The following SMYD3 variants were observed in gnomAD, a reference collection of about 807,000 sequenced individuals.
SMYD3 encodes the protein SET and MYND domain containing 3.
Under a neutral mutation model 57.7 loss-of-function variants are expected in SMYD3, and 36 were observed. The observed-to-expected ratio is 0.62, with a 90% CI of 0.48 to 0.82. The LOEUF is 0.82. Among genes scored for constraint, SMYD3 ranks in the 40% least tolerant of loss-of-function variants. SMYD3 has a pLI of 0.00. For synonymous variants in SMYD3, 211 were observed against 195.0 expected (o/e 1.08, Z -0.68); for missense variants, 515 against 538.8 (o/e 0.96, Z 0.44).
chr1:245,870,501 G>A (rs1040605442), intron 8 of SMYD3, among the ~76,000 whole-genome samples: 5 of 152,046 alleles, frequency 3.3e-5, no homozygotes, highest in African/African-American at 1.2e-4. Context: ...GAGGTCCCTC[G>A]CTCCATCTAT....
rs879738223 is a variant in SMYD3, at chr1:245,817,445, GA to G, written c.1076+41050del. 4.0e-3 allele frequency among the ~76,000 whole-genome samples: 599 copies of G among 150,424 alleles called. 9 individuals are homozygous for G. Among genetic ancestry groups the G allele is most frequent in the African/African-American group, 0.013 (538 of 40,888 alleles). On this transcript the variant is annotated intron_variant, in intron 10 of 11. Transcript: ENST00000490107. ...AAGTAGATAAAACCACAAAGATGGG[GA>G]AAAAACAGAACAGAAAAACTGGAAA...
intron 5 of SMYD3, among the ~76,000 whole-genome samples, chr1:246,132,637 C>T (rs545188094): frequency 6.6e-6 from 1 of 151,936 alleles, no homozygotes; most frequent in African/African-American, 2.4e-5. Flanking sequence ...AAAAAGTGGG[C>T]TACATCAAAA....
intron 2 of SMYD3, among the ~76,000 whole-genome samples, chr1:246,350,213 AT>A: frequency 6.6e-6 from 1 of 152,306 alleles, no homozygotes; most frequent in East Asian, 1.9e-4. Flanking sequence ...CCCCAATCAC[AT>A]TCAATCATAT....
At chr1:246,108,652 C>A (rs945062502) in intron 5 of SMYD3, 3 of 152,236 alleles carry the variant, frequency 2.0e-5, no homozygotes, top group Admixed American at 6.5e-5. Context: ...TTTTTCTCAA[C>A]TATGAATCTG....
At chr1:246,108,936 T>C (rs937768515) in intron 5 of SMYD3, among the ~76,000 whole-genome samples, 2 of 152,220 alleles carry the variant, frequency 1.3e-5, no homozygotes, top group African/African-American at 2.4e-5. Context: ...CTCTTCCTTC[T>C]AATGCACCAT....
chr1:246,134,321 G>T (rs1273228000), intron 5 of SMYD3, among the ~76,000 whole-genome samples: 2 of 151,910 alleles, frequency 1.3e-5, no homozygotes, highest in African/African-American at 4.8e-5. Context: ...TTAAAATGCA[G>T]CTTTCTATAT....
At chr1:246,263,559 C>T (rs766132989) in intron 5 of SMYD3, among the ~76,000 whole-genome samples, 4 of 152,144 alleles carry the variant, frequency 2.6e-5, no homozygotes, top group Non-Finnish European at 2.9e-5. Flanking sequence ...TTCATACCAG[C>T]GTATTTATCT....
intron 1 of SMYD3, among the ~76,000 whole-genome samples, chr1:246,489,851 T>C (rs2068242518): frequency 6.6e-6 from 1 of 152,160 alleles, no homozygotes. Context: ...TTTATTTTTT[T>C]TGAGACAGAG....
chr1:246,226,247 G>A (rs934387876), intron 5 of SMYD3, among the ~76,000 whole-genome samples: 7 of 152,148 alleles, frequency 4.6e-5, no homozygotes, highest in African/African-American at 1.2e-4. Flanking sequence ...TACTGATACC[G>A]AATTTCTAAA....
At chr1:246,134,378 T>C (rs1244891468) in intron 5 of SMYD3, among the ~76,000 whole-genome samples, 3 of 152,126 alleles carry the variant, frequency 2.0e-5, no homozygotes, top group African/African-American at 7.2e-5. Context: ...TAAACACTTA[T>C]GTATTCAATT....
intron 5 of SMYD3, among the ~76,000 whole-genome samples, chr1:246,000,664 A>T (rs1446323854): frequency 6.6e-6 from 1 of 152,192 alleles, no homozygotes. Context: ...ATCATGGCCA[A>T]AACAGTTATT....
At chr1:246,218,499 T>C (rs1020380054) in intron 5 of SMYD3, among the ~76,000 whole-genome samples, 3 of 152,050 alleles carry the variant, frequency 2.0e-5, no homozygotes, top group Admixed American at 2.0e-4. Context: ...CGGGCGGCTG[T>C]AGTCCCAGCT....
At chr1:246,469,527 A>G (rs942196427) in intron 1 of SMYD3, among the ~76,000 whole-genome samples, 1 of 152,194 alleles carries the variant, frequency 6.6e-6, no homozygotes, top group Non-Finnish European at 1.5e-5. Context: ...GCCAGCTTGA[A>G]GGGGCTCCCA....
At chr1:246,348,063 TA>T (rs2065753645) in intron 2 of SMYD3, among the ~76,000 whole-genome samples, 3 of 79,078 alleles carry the variant, frequency 3.8e-5, no homozygotes, top group Admixed American at 1.3e-4. Context: ...GAAAACGTTA[TA>T]TATATATATA....
intron 10 of SMYD3, among the ~76,000 whole-genome samples, chr1:245,820,568 A>G (rs1478166432): frequency 2.0e-5 from 3 of 151,976 alleles, no homozygotes; most frequent in Non-Finnish European, 4.4e-5. Flanking sequence ...GGAGAAGGAA[A>G]TAAAGGGTAT....
intron 1 of SMYD3, among the ~76,000 whole-genome samples, chr1:246,493,008 T>A (rs1445454229): frequency 6.6e-6 from 1 of 152,192 alleles, no homozygotes; most frequent in Non-Finnish European, 1.5e-5. Flanking sequence ...GTGATAAGAA[T>A]TTTCTAAAGT....
intron 5 of SMYD3, among the ~76,000 whole-genome samples, chr1:246,089,065 C>A (rs1163502099): frequency 1.3e-5 from 2 of 152,132 alleles, no homozygotes; most frequent in Admixed American, 1.3e-4. Context: ...CTCACTGTGG[C>A]CTCCTGGGTT....
intron 5 of SMYD3, among the ~76,000 whole-genome samples, chr1:246,114,814 TAG>T (rs2061316125): frequency 2.6e-5 from 4 of 152,176 alleles, no homozygotes; most frequent in Admixed American, 2.0e-4. Context: ...GTATTTTTAG[TAG>T]AGACGGGGTT....
intron 5 of SMYD3, among the ~76,000 whole-genome samples, chr1:246,085,948 T>C (rs2060714883): frequency 6.6e-6 from 1 of 151,918 alleles, no homozygotes; most frequent in South Asian, 2.1e-4. Context: ...GTGTTTAAGA[T>C]ATGTGGATGG....
Sources: gnomAD v4.1 joint callset for allele counts (sites outside exome capture counted in the v4.1 genomes callset) on GRCh38, gnomAD v4.1.1 for gene constraint, MANE v1.5 for transcripts, NCBI Gene and HGNC (gene_info 2026-07-23, HGNC 2026-07-21) for gene names.